The following TRAF3 variants were observed in gnomAD, a reference collection of about 807,000 sequenced individuals.
TRAF3 encodes TNF receptor-associated factor 3.
TRAF3 carries 13 observed loss-of-function variants against 62.3 expected under a neutral mutation model. The observed-to-expected ratio is 0.21, with a 90% confidence interval of 0.14 to 0.33. TRAF3 has a LOEUF of 0.33. Among genes scored for constraint, TRAF3 ranks in the 10% least tolerant of loss-of-function variants. The probability of loss-of-function intolerance (pLI) is 1.00; values close to 1 mark genes in which losing one functional copy is unlikely to be tolerated. For synonymous variants in TRAF3, 269 were observed against 283.4 expected, an observed-to-expected ratio of 0.95 and a Z score of 0.51; for missense variants, 440 against 741.8, an observed-to-expected ratio of 0.59 and a Z score of 4.73.
chr14:102,842,150 A>G (rs1396989215), intron 2 of TRAF3, among the ~76,000 whole-genome samples: 1 of 151,846 alleles, frequency 6.6e-6, no homozygotes, highest in Non-Finnish European at 1.5e-5. Flanking sequence ...AGACTGAGGC[A>G]GGAGGATCAC....
intron 1 of TRAF3, among the ~76,000 whole-genome samples, chr14:102,781,129 G>A (rs1897259078): frequency 6.6e-6 from 1 of 152,200 alleles, no homozygotes; most frequent in African/African-American, 2.4e-5. Flanking sequence ...TTGAGGCCCA[G>A]TGTCAGGAAA....
At chr14:102,807,233 G>T (rs1202910446) in intron 1 of TRAF3, among the ~76,000 whole-genome samples, 6 of 152,154 alleles carry the variant, frequency 3.9e-5, no homozygotes, top group Non-Finnish European at 8.8e-5. Flanking sequence ...CTCCTGATAA[G>T]GTCTTGCGTC....
intron 1 of TRAF3, among the ~76,000 whole-genome samples, chr14:102,825,871 G>A (rs1438897756): frequency 1.3e-5 from 2 of 152,200 alleles, no homozygotes; most frequent in African/African-American, 2.4e-5. Flanking sequence ...TCTGAAGCAC[G>A]GTGATGGCAA....
intron 1 of TRAF3, among the ~76,000 whole-genome samples, chr14:102,782,864 G>A (rs1018083147): frequency 1.3e-5 from 2 of 151,960 alleles, no homozygotes; most frequent in South Asian, 4.1e-4. Context: ...TTGGAAACTT[G>A]ATTTCTTTAA....
At chr14:102,837,153 G>A (rs113988788) in intron 2 of TRAF3, among the ~76,000 whole-genome samples, 5 of 150,908 alleles carry the variant, frequency 3.3e-5, no homozygotes, top group Admixed American at 2.6e-4. Flanking sequence ...TTTTTTTTGG[G>A]GGGGGGTGAA....
intron 10 of TRAF3, among the ~76,000 whole-genome samples, chr14:102,900,695 G>A (rs796570488): frequency 2.2e-4 from 34 of 152,344 alleles, no homozygotes; most frequent in African/African-American, 7.9e-4. Context: ...TTCTCACAGC[G>A]CCGGGCTTGT....
intron 2 of TRAF3, among the ~76,000 whole-genome samples, chr14:102,844,367 C>T (rs559789673): frequency 2.8e-4 from 43 of 152,326 alleles, no homozygotes; most frequent in African/African-American, 1.0e-3. Flanking sequence ...CCAGTTTCTT[C>T]CCCAGCATCC....
chr14:102,869,501 G>A (rs1389690628), intron 2 of TRAF3, among the ~76,000 whole-genome samples: 2 of 152,106 alleles, frequency 1.3e-5, no homozygotes, highest in Non-Finnish European at 2.9e-5. Flanking sequence ...CAAAAATACT[G>A]TATTATTAAC....
At chr14:102,900,385 CA>C (rs1199009120) in intron 10 of TRAF3, among the ~76,000 whole-genome samples, 1 of 152,162 alleles carries the variant, frequency 6.6e-6, no homozygotes, top group Admixed American at 6.5e-5. Flanking sequence ...TCTGTAATCC[CA>C]GCTACTCGGG....
chr14:102,891,522 C>CT (rs1889712586), intron 9 of TRAF3, 105 bp downstream of exon 9: 5 of 1,234,434 alleles, frequency 4.1e-6, no homozygotes, highest in African/African-American at 1.5e-5. Flanking sequence ...ATAAAAGAAA[C>CT]TATCAAGAGA....
chr14:102,903,588 G>A lies in TRAF3; in HGVS notation c.1135+159G>A, dbSNP rs749208577. The A allele has an allele frequency of 1.8e-5, 19 of 1,084,518 alleles. No individual in the cohort carries two copies. Among genetic ancestry groups the A allele is most frequent in the Non-Finnish European group, 2.6e-5 (19 of 734,206 alleles). 67.2% of individuals were successfully genotyped at this position (1,084,518 alleles called of 1,614,324 possible). A position where few individuals can be genotyped will look rare whatever the true frequency, so the allele number is the denominator to read the frequency against. On this transcript the variant is annotated intron_variant, in intron 11 of 11. Coordinates refer to ENST00000392745, the MANE Select transcript of TRAF3 (RefSeq NM_145725.3). This position sits in a 1 kb window ranked among gnomAD's most constrained non-coding sequence, Gnocchi z 6.4. ...GCAGAGGTGTGATGACTTTCCTACTGAAAGTCCCCCAGCAAAGACAAACGT... is the reference window on the plus strand; with the variant it reads ...GCAGAGGTGTGATGACTTTCCTACTAAAAGTCCCCCAGCAAAGACAAACGT...
intron 2 of TRAF3, among the ~76,000 whole-genome samples, chr14:102,863,426 A>G (rs752216619): frequency 1.3e-5 from 2 of 152,216 alleles, no homozygotes; most frequent in Non-Finnish European, 2.9e-5. Context: ...AGAACAAAAA[A>G]TGTCTCCCAG....
At chr14:102,870,120 C>T in intron 2 of TRAF3, 65 bp from the exon 3 acceptor site, 1 of 1,611,376 alleles carries the variant, frequency 6.2e-7, no homozygotes, top group East Asian at 2.2e-5. Flanking sequence ...TTTTGCTTTC[C>T]CAAAGCTGTG....
In TRAF3 at chr14:102,804,522, C is replaced by G. The variant is rs530610568; in HGVS notation, c.-156-25812C>G. Among the ~76,000 whole-genome samples the G allele has an allele frequency of 5.3e-5, 8 of 152,272 alleles. 1 individual carries two copies. The highest frequency in any genetic ancestry group is 1.7e-4 in the African/African-American group (7 of 41,552). The stretch of plus-strand genomic sequence containing the variant: ...TTATTTTTTGAGTCAGGGTCTCACT[C>G]TGTTGCCCAGGCTGGAATGTAATGG... On this transcript the variant is annotated intron_variant, in intron 1 of 11. Transcript: ENST00000392745.
In TRAF3 at chr14:102,870,698, GC is replaced by G. The variant is rs1305266655; in HGVS notation, c.245+256del. Among the ~76,000 whole-genome samples, 4 of 152,266 alleles carry G rather than the reference GC, an allele frequency of 2.6e-5. No individual in the cohort carries two copies. In the East Asian group the frequency reaches 7.7e-4, roughly 29 times the overall value. ...CCCACTCCGTCTGTAGAGCCTTGGT[GC>G]CCCTCATATGTGTTGCTGTATTTTA... On this transcript the variant is annotated intron_variant, in intron 3 of 11. Coordinates refer to ENST00000392745, the MANE Select transcript of TRAF3 (RefSeq NM_145725.3).
chr14:102,906,055 T>C lies in TRAF3; in HGVS notation c.*271T>C. On this transcript the variant is annotated 3_prime_UTR_variant, in exon 12 of 12. Coordinates refer to ENST00000392745, the MANE Select transcript of TRAF3 (RefSeq NM_145725.3). ...AGGTTTTCATTTTCATTTTTAAAGA[T>C]CTAGTTAATTAAGGTGGAAAACATA... 2.6e-6 allele frequency: 1 copy of C among 389,238 alleles called. No homozygotes were observed. The highest frequency in any genetic ancestry group is 4.6e-6 in the Non-Finnish European group (1 of 216,682). 24.1% of individuals were successfully genotyped at this position (389,238 alleles called of 1,614,324 possible). A position where few individuals can be genotyped will look rare whatever the true frequency, so the allele number is the denominator to read the frequency against.
chr14:102,796,585 C>T (rs1025200496), intron 1 of TRAF3, among the ~76,000 whole-genome samples: 2 of 152,174 alleles, frequency 1.3e-5, no homozygotes, highest in African/African-American at 2.4e-5. Flanking sequence ...TTTGTTCACG[C>T]AATTCTTCTG....
intron 7 of TRAF3, among the ~76,000 whole-genome samples, chr14:102,887,012 C>T (rs1424148004): frequency 6.6e-6 from 1 of 152,222 alleles, no homozygotes; most frequent in East Asian, 1.9e-4. Context: ...GCCAGAAGGG[C>T]CCCTGTGTGG....
intron 1 of TRAF3, among the ~76,000 whole-genome samples, chr14:102,780,482 G>A (rs888990982): frequency 2.0e-5 from 3 of 151,914 alleles, no homozygotes; most frequent in Non-Finnish European, 4.4e-5. Context: ...GACCACCCTA[G>A]GGAGAAGGCA....
Sources: gnomAD v4.1 joint callset for allele counts (sites outside exome capture counted in the v4.1 genomes callset) on GRCh38, gnomAD v4.1.1 for gene constraint, Gnocchi (gnomAD v3.1) non-coding constraint, MANE v1.5 for transcripts, NCBI Gene and HGNC (gene_info 2026-07-23, HGNC 2026-07-21) for gene names.